EGFR: variants seen among roughly 807,000 people sequenced by gnomAD.
EGFR encodes the protein avian erythroblastic leukemia viral (v-erb-b) oncogene homolog.
Under a neutral mutation model 143.0 loss-of-function variants are expected in EGFR, and 58 were observed. The ratio of observed to expected loss-of-function variants is 0.41; its 90% CI spans 0.33 to 0.50. EGFR has a LOEUF of 0.50. Ranked by LOEUF, EGFR falls within the 20% of genes least tolerant of loss-of-function variation. The pLI, the probability that EGFR is intolerant of heterozygous loss-of-function variation, is 0.39. For synonymous variants in EGFR, 613 were observed against 594.4 expected, an observed-to-expected ratio of 1.03 and a Z score of -0.45; for missense variants, 1,307 against 1,579.0, an observed-to-expected ratio of 0.83 and a Z score of 2.92.
intron 1 of EGFR, among the ~76,000 whole-genome samples, chr7:55,036,260 TTG>T (rs1333871168): frequency 0.089 from 4,413 of 49,846 alleles, 165 homozygotes; most frequent in African/African-American, 0.12. Context: ...GTGGTCAAGT[TTG>T]TGTGTGTGTG....
At chr7:55,192,878 A>C in intron 22 of EGFR, 37 bp downstream of exon 22, 1 of 1,589,228 alleles carries the variant, frequency 6.3e-7, no homozygotes, top group East Asian at 2.2e-5. Flanking sequence ...GTTTGTACTG[A>C]GGCCAAGCTG....
At chr7:55,047,289 G>A (rs1217920101) in intron 1 of EGFR, among the ~76,000 whole-genome samples, 1 of 152,186 alleles carries the variant, frequency 6.6e-6, no homozygotes, top group Non-Finnish European at 1.5e-5. Flanking sequence ...AGAACACCTA[G>A]TACACGAATT....
At chr7:55,174,169 TG>T in intron 18 of EGFR, 126 bp downstream of exon 18, 1 of 1,361,390 alleles carries the variant, frequency 7.3e-7, no homozygotes, top group South Asian at 1.4e-5. Context: ...ACTGAGTGTT[TG>T]GGAAACTCCA....
In EGFR at chr7:55,109,839, A is replaced by C. The variant is rs954107494; in HGVS notation, c.89-32447A>C. On this transcript the variant is annotated intron_variant, in intron 1 of 27. Transcript: ENST00000275493. ...TCTCCTTTTGAATGAGCTCTAAAAC[A>C]GTTCTCCACTGGACTTCAGAACAAG... 8 of 985,378 alleles carry C rather than the reference A, an allele frequency of 8.1e-6. No individual in the cohort carries two copies. The African/African-American group carries it at 1.0e-4, about 13-fold the overall frequency. 61.0% of individuals were successfully genotyped at this position (985,378 alleles called of 1,614,324 possible). A position where few individuals can be genotyped will look rare whatever the true frequency, so the allele number is the denominator to read the frequency against.
At chr7:55,132,296 A>C (rs1361504159) in intron 1 of EGFR, among the ~76,000 whole-genome samples, 2 of 152,190 alleles carry the variant, frequency 1.3e-5, no homozygotes, top group East Asian at 3.8e-4. Flanking sequence ...TCCAATCCCA[A>C]TTTTTGAGTC....
intron 15 of EGFR, among the ~76,000 whole-genome samples, chr7:55,166,149 C>G (rs374702468): frequency 6.6e-6 from 1 of 151,368 alleles, no homozygotes; most frequent in Non-Finnish European, 1.5e-5. Context: ...GAAACTCTGT[C>G]GCAAAAAACA....
rs753038774 is a variant in EGFR at position 55,155,815 on chromosome 7, T to C, written c.890-15T>C. 6 of 1,611,640 alleles carry C rather than the reference T, an allele frequency of 3.7e-6. No homozygotes were observed. Among genetic ancestry groups the C allele is most frequent in the South Asian group, 1.1e-5 (1 of 91,030 alleles). ...TGCCACCGTCATCACCTTCCTTTCA[T>C]GCTCTCTTCCCCAGGTAATTATGTG... On this transcript the variant is annotated splice_polypyrimidine_tract_variant and intron_variant, in intron 7 of 27. Transcript: ENST00000275493.
chr7:55,165,568 C>T (rs948836332), intron 15 of EGFR, 131 bp downstream of exon 15: 9 of 1,285,182 alleles, frequency 7.0e-6, no homozygotes, highest in Non-Finnish European at 9.5e-6. Flanking sequence ...GTGTTTTGGT[C>T]CCCACAGCCA....
At chr7:55,144,595 C>T (rs17289610) in intron 3 of EGFR, among the ~76,000 whole-genome samples, 122 of 152,354 alleles carry the variant, frequency 8.0e-4, no homozygotes, top group African/African-American at 2.7e-3. Flanking sequence ...CTGGTCATGG[C>T]TCCTCAGTTC....
intron 5 of EGFR, among the ~76,000 whole-genome samples, chr7:55,151,859 G>T (rs1362141047): frequency 6.6e-6 from 1 of 150,866 alleles, no homozygotes; most frequent in Non-Finnish European, 1.5e-5. Context: ...GGGCGACAGA[G>T]CGAGACTCCG....
chr7:55,095,700 C>G (rs1481090359), intron 1 of EGFR, among the ~76,000 whole-genome samples: 1 of 145,228 alleles, frequency 6.9e-6, no homozygotes, highest in Non-Finnish European at 1.5e-5. Context: ...CACACGCACA[C>G]AGCACACAGA....
At chr7:55,085,529 T>A (rs1790705509) in intron 1 of EGFR, among the ~76,000 whole-genome samples, 1 of 152,212 alleles carries the variant, frequency 6.6e-6, no homozygotes, top group South Asian at 2.1e-4. Flanking sequence ...AGTATTATCA[T>A]GAAAACCTAA....
intron 4 of EGFR, among the ~76,000 whole-genome samples, chr7:55,149,358 C>T (rs888566108): frequency 3.3e-5 from 5 of 151,910 alleles, no homozygotes; most frequent in African/African-American, 1.2e-4. Context: ...CACTGTCTCT[C>T]TTTCTGTCAC....
chr7:55,145,295 C>G (rs983478523), intron 3 of EGFR, among the ~76,000 whole-genome samples: 27 of 152,336 alleles, frequency 1.8e-4, no homozygotes, highest in African/African-American at 5.8e-4. Context: ...CAGCCCTGTC[C>G]TCTCCTGAGT....
chr7:55,131,283 CCTT>C (rs1187161030), intron 1 of EGFR, among the ~76,000 whole-genome samples: 1 of 151,024 alleles, frequency 6.6e-6, no homozygotes, highest in Non-Finnish European at 1.5e-5. Flanking sequence ...TGGCTTTCCA[CCTT>C]CTTTTTTTTT....
chr7:55,030,943 G>A (rs527928848), intron 1 of EGFR, among the ~76,000 whole-genome samples: 4 of 152,168 alleles, frequency 2.6e-5, no homozygotes, highest in African/African-American at 4.8e-5. Context: ...TCTCAGTGAC[G>A]GTGATGTGCC....
rs185437934 is a variant in EGFR, at chr7:55,206,450, G to A, written c.*833G>A. ...AGGATGACACATCAAATAATAACTC[G>A]GATTCCAGCCCACATTGGATTCATC... On this transcript the variant is annotated 3_prime_UTR_variant, in exon 28 of 28. Coordinates refer to ENST00000275493, the MANE Select transcript of EGFR (RefSeq NM_005228.5). 3.9e-5 allele frequency: 9 copies of A among 233,188 alleles called. No individual in the cohort carries two copies. The highest frequency in any genetic ancestry group is 8.8e-5 in the African/African-American group (4 of 45,412). 14.4% of individuals were successfully genotyped at this position (233,188 alleles called of 1,614,324 possible). A position where few individuals can be genotyped will look rare whatever the true frequency, so the allele number is the denominator to read the frequency against.
Position 55,152,539 on chromosome 7 carries a change from T to C in EGFR, c.629-7T>C. The C allele has an allele frequency of 1.2e-6, 2 of 1,613,812 alleles. No individual in the cohort carries two copies. Among genetic ancestry groups the C allele is most frequent in the Non-Finnish European group, 1.7e-6 (2 of 1,179,838 alleles). On this transcript the variant is annotated splice_polypyrimidine_tract_variant and splice_region_variant and intron_variant, in intron 5 of 27. Transcript: ENST00000275493. ...TCAGCTCACAGGGAACCTTTGCTCT[T>C]TTTCAGTGACCAAAATCATCTGTGC...
chr7:55,153,315 G>A (rs1785250034), intron 6 of EGFR, among the ~76,000 whole-genome samples: 1 of 152,276 alleles, frequency 6.6e-6, no homozygotes, highest in African/African-American at 2.4e-5. Context: ...GAGGGTACAG[G>A]TCAGAAGCGT....
Sources: gnomAD v4.1 joint callset for allele counts (sites outside exome capture counted in the v4.1 genomes callset) on GRCh38, gnomAD v4.1.1 for gene constraint, MANE v1.5 for transcripts, NCBI Gene and HGNC (gene_info 2026-07-23, HGNC 2026-07-21) for gene names.